The following KCNH1 variants were observed in gnomAD, a reference collection of about 807,000 sequenced individuals.
KCNH1 encodes the protein potassium voltage-gated channel subfamily H member 1.
A neutral mutation model predicts 69.2 loss-of-function variants in KCNH1; 27 were observed. The ratio of observed to expected loss-of-function variants is 0.39; its 90% CI spans 0.29 to 0.54. The LOEUF (loss-of-function observed/expected upper bound fraction) is 0.54, where lower values mean the gene tolerates loss of function less well. Ranked by LOEUF, KCNH1 falls within the 20% of genes least tolerant of loss-of-function variation. KCNH1 has a pLI of 0.68. For synonymous variants in KCNH1, 456 were observed against 487.7 expected (o/e 0.93, Z 0.86); for missense variants, 798 against 1,261.6 (o/e 0.63, Z 5.57).
In KCNH1 at chr1:210,877,912, G is replaced by A. The variant is rs562337830; in HGVS notation, c.1462+41728C>T. 7.2e-5 allele frequency among the ~76,000 whole-genome samples: 11 copies of A among 152,174 alleles called. 1 individual carries two copies. In the South Asian group the frequency reaches 2.1e-3, roughly 29 times the overall value. ...TCATTAACAGTGTAAGTCAAACATA[G>A]ATGCAAGAAATTGATTAAATGCATA... On this transcript the variant is annotated intron_variant, in intron 7 of 10. Coordinates refer to ENST00000271751, the MANE Select transcript of KCNH1 (RefSeq NM_172362.3).
At chr1:211,003,000 CTGTTTCGGTATGACT>C (rs1179355095) in intron 6 of KCNH1, among the ~76,000 whole-genome samples, 2 of 152,068 alleles carry the variant, frequency 1.3e-5, no homozygotes, top group Non-Finnish European at 2.9e-5. Flanking sequence ...TGCCAGTGGC[CTGTTTCGGTATGACT>C]TGTGAGCTAA....
At chr1:210,905,009 C>G (rs1204261438) in intron 7 of KCNH1, among the ~76,000 whole-genome samples, 2 of 152,260 alleles carry the variant, frequency 1.3e-5, no homozygotes, top group South Asian at 2.1e-4. Flanking sequence ...ATCTTGACCT[C>G]CCTCATGACT....
At chr1:211,034,302 A>T (rs984816648) in intron 5 of KCNH1, among the ~76,000 whole-genome samples, 5 of 152,144 alleles carry the variant, frequency 3.3e-5, no homozygotes, top group African/African-American at 1.2e-4. Context: ...ATGAATCTCC[A>T]GAGACTGAAA....
At chr1:211,020,781 A>C (rs1159229526) in intron 5 of KCNH1, among the ~76,000 whole-genome samples, 4 of 152,138 alleles carry the variant, frequency 2.6e-5, no homozygotes, top group Non-Finnish European at 5.9e-5. Flanking sequence ...CATCAAAAAA[A>C]AGGTATACTC....
At position 211,018,885 on chromosome 1, in the gene KCNH1, G is replaced by A. The variant is rs776240703; in HGVS notation, c.930C>T (p.Asn310=). Reference sequence around the variant, plus strand: ...TAACCTCATCCACGTTCTCAAAAGCGTTGATGACATCATATGGCAAACAGG... The same window carrying A: ...TAACCTCATCCACGTTCTCAAAAGCATTGATGACATCATATGGCAAACAGG... ...LLSCLPYDVI[N]AFENVDEVSA... The change falls in exon 6 of 11, where the codon AAC becomes AAT. Residue 310 remains asparagine (N), a synonymous_variant. Coordinates refer to ENST00000271751, the MANE Select transcript of KCNH1 (RefSeq NM_172362.3). 68 of 1,614,032 alleles carry A rather than the reference G, an allele frequency of 4.2e-5. No individual in the cohort carries two copies. Among genetic ancestry groups the A allele is most frequent in the South Asian group, 2.7e-4 (25 of 91,080 alleles).
At chr1:211,129,097 T>A (rs1206458194) in intron 1 of KCNH1, among the ~76,000 whole-genome samples, 1 of 152,138 alleles carries the variant, frequency 6.6e-6, no homozygotes, top group Non-Finnish European at 1.5e-5. Context: ...CCCCCAGAAC[T>A]AAGATTCTGT....
intron 7 of KCNH1, among the ~76,000 whole-genome samples, chr1:210,814,736 A>T (rs1264426094): frequency 1.3e-5 from 2 of 152,204 alleles, no homozygotes; most frequent in Non-Finnish European, 2.9e-5. Flanking sequence ...GATGGAACAG[A>T]TTCACAGTAA....
chr1:211,022,447 A>C (rs1689602724), intron 5 of KCNH1, among the ~76,000 whole-genome samples: 1 of 152,206 alleles, frequency 6.6e-6, no homozygotes. Context: ...TCAAAAGTAC[A>C]GGCAACCAAG....
At chr1:210,723,799 G>A (rs1166153935) in intron 10 of KCNH1, among the ~76,000 whole-genome samples, 2 of 152,218 alleles carry the variant, frequency 1.3e-5, no homozygotes, top group African/African-American at 2.4e-5. Flanking sequence ...GGTTAACAAA[G>A]GGACACGTGT....
At chr1:211,072,040 C>T (rs1484996827) in intron 5 of KCNH1, among the ~76,000 whole-genome samples, 4 of 152,102 alleles carry the variant, frequency 2.6e-5, no homozygotes, top group African/African-American at 4.8e-5. Flanking sequence ...CTTTGGGAGG[C>T]GGAGGTGGGA....
At chr1:210,881,334 T>A (rs536423590) in intron 7 of KCNH1, among the ~76,000 whole-genome samples, 1 of 152,150 alleles carries the variant, frequency 6.6e-6, no homozygotes, top group Non-Finnish European at 1.5e-5. Flanking sequence ...TACACACATA[T>A]TAGAATGGCC....
Position 210,683,685 on chromosome 1 carries a change from C to A in KCNH1, c.2566G>T (p.Ala856Ser). Residue 856 changes from alanine to serine, a missense_variant, in exon 11 of 11, where the codon GCT becomes TCT. Around this residue, in one of 4 missense-constraint regions of KCNH1, gnomAD observed 331 missense variants for 363.2 expected, o/e 0.91. Coordinates refer to ENST00000271751, the MANE Select transcript of KCNH1 (RefSeq NM_172362.3). The surrounding 1 kb of genome is among the most constrained non-coding windows in gnomAD (Gnocchi z 5.7). ...TCGGGAAGTGTCTCCATCGACTCAG[C>A]CTTGGACACCTTGTTCCAGTCCTCA... ...KSEDWNKVSK[A>S]ESMETLPERT... 6.2e-7 allele frequency: 1 copy of A among 1,614,222 alleles called. No individual in the cohort carries two copies. The highest frequency in any genetic ancestry group is 2.2e-5 in the East Asian group (1 of 44,882).
chr1:210,894,205 T>C (rs920359638), intron 7 of KCNH1, among the ~76,000 whole-genome samples: 6 of 152,236 alleles, frequency 3.9e-5, no homozygotes, highest in African/African-American at 1.2e-4. Context: ...TTTTGAGCTT[T>C]ATTCTGGAAC....
intron 10 of KCNH1, among the ~76,000 whole-genome samples, chr1:210,694,245 A>T (rs905880364): frequency 6.6e-6 from 1 of 151,980 alleles, no homozygotes; most frequent in Non-Finnish European, 1.5e-5. Context: ...TTTCATTCTC[A>T]TGTTTTGAGG....
chr1:210,829,652 G>T (rs1027870509), intron 7 of KCNH1, among the ~76,000 whole-genome samples: 4 of 152,124 alleles, frequency 2.6e-5, no homozygotes, highest in Admixed American at 2.6e-4. Context: ...GCGGCTACCT[G>T]TACAGGAAGA....
intron 7 of KCNH1, among the ~76,000 whole-genome samples, chr1:210,857,829 G>A (rs1379252681): frequency 6.6e-6 from 1 of 152,208 alleles, no homozygotes; most frequent in African/African-American, 2.4e-5. Flanking sequence ...AGGGAAGCAA[G>A]CCAATCTCTC....
intron 7 of KCNH1, among the ~76,000 whole-genome samples, chr1:210,824,915 GA>G (rs1685004303): frequency 1.3e-5 from 2 of 152,110 alleles, no homozygotes; most frequent in African/African-American, 4.8e-5. Context: ...CAGATCTTTT[GA>G]AGAGTCAATA....
At chr1:211,011,232 G>C (rs529031293) in intron 6 of KCNH1, among the ~76,000 whole-genome samples, 1 of 152,206 alleles carries the variant, frequency 6.6e-6, no homozygotes, top group African/African-American at 2.4e-5. Flanking sequence ...GCAGTGTTTG[G>C]TTTTCCGTTC....
At chr1:211,087,811 G>A (rs1211490783) in intron 4 of KCNH1, among the ~76,000 whole-genome samples, 3 of 152,174 alleles carry the variant, frequency 2.0e-5, no homozygotes, top group East Asian at 3.8e-4. Context: ...GGCCTACCTA[G>A]CTCATAAAAA....
Sources: allele counts gnomAD v4.1 joint callset (sites outside exome capture counted in the v4.1 genomes callset), GRCh38; gene constraint gnomAD v4.1.1; regional missense constraint gnomAD v4.1.1; non-coding constraint Gnocchi (gnomAD v3.1); transcripts MANE v1.5; gene names NCBI Gene and HGNC (gene_info 2026-07-23, HGNC 2026-07-21).